The following ZNF407 variants were observed in gnomAD, a reference collection of about 807,000 sequenced individuals.
ZNF407 encodes zinc finger protein 407.
A neutral mutation model predicts 131.2 loss-of-function variants in ZNF407; 17 were observed. The ratio of observed to expected loss-of-function variants is 0.13; its 90% CI spans 0.09 to 0.19. The LOEUF is 0.19. Ranked by LOEUF, ZNF407 falls within the 10% of genes least tolerant of loss-of-function variation. The pLI is 1.00. For synonymous variants in ZNF407, 1,156 were observed against 1,062.0 expected (o/e 1.09, Z -1.72); for missense variants, 2,681 against 2,830.6 (o/e 0.95, Z 1.20).
intron 3 of ZNF407, among the ~76,000 whole-genome samples, chr18:74,759,258 T>A (rs960737087): frequency 6.6e-6 from 1 of 152,218 alleles, no homozygotes; most frequent in Non-Finnish European, 1.5e-5. Context: ...ACTCTGTTGC[T>A]GCTCTCAGGA....
At chr18:74,804,876 G>A (rs905228444) in intron 4 of ZNF407, among the ~76,000 whole-genome samples, 1 of 152,124 alleles carries the variant, frequency 6.6e-6, no homozygotes, top group East Asian at 1.9e-4. Context: ...CCACCCTGCC[G>A]AGGATCTGGC....
chr18:75,009,615 G>A (rs7237271), intron 8 of ZNF407, among the ~76,000 whole-genome samples: 145,751 of 152,300 alleles, frequency 0.96, 70,070 homozygotes, highest in East Asian at 1. Context: ...CTTGTTCAAC[G>A]CTTACTATGC....
intron 7 of ZNF407, among the ~76,000 whole-genome samples, chr18:74,913,543 A>G (rs1047536488): frequency 1.3e-5 from 2 of 152,196 alleles, no homozygotes; most frequent in East Asian, 1.9e-4. Context: ...AGAAAAGAAT[A>G]TAAGACATAT....
chr18:74,849,731 C>G (rs1970755081), intron 4 of ZNF407, among the ~76,000 whole-genome samples: 1 of 152,190 alleles, frequency 6.6e-6, no homozygotes, highest in Admixed American at 6.5e-5. Flanking sequence ...TTCCCTGAGA[C>G]TTACCACCAT....
rs561743536 is a variant in ZNF407 at position 75,000,331 on chromosome 18, C to T, written c.5429-62819C>T. On this transcript the variant is annotated intron_variant, in intron 8 of 8. Transcript: ENST00000299687. ...CCTAGCACAGAGGATTCTTTTGAGA[C>T]GTAAAACAACGGTTGTGAAAGTGTT... Among the ~76,000 whole-genome samples the T allele has an allele frequency of 2.8e-4, 42 of 152,268 alleles. No individual in the cohort carries two copies. The South Asian group carries it at 7.7e-3, about 28-fold the overall frequency.
intron 3 of ZNF407, among the ~76,000 whole-genome samples, chr18:74,648,306 C>T (rs561212386): frequency 2.0e-5 from 3 of 152,112 alleles, no homozygotes; most frequent in South Asian, 4.2e-4. Flanking sequence ...GGGATGTGCA[C>T]GAACTACAGG....
intron 4 of ZNF407, among the ~76,000 whole-genome samples, chr18:74,874,830 C>T (rs917155825): frequency 4.6e-5 from 7 of 152,130 alleles, no homozygotes; most frequent in Non-Finnish European, 4.4e-5. Context: ...CCTGACTCCT[C>T]TCTTCGTTTG....
intron 8 of ZNF407, among the ~76,000 whole-genome samples, chr18:74,981,511 A>G (rs956026218): frequency 4.6e-5 from 7 of 152,246 alleles, no homozygotes; most frequent in African/African-American, 1.2e-4. Context: ...GTGGAAGGCT[A>G]AGAACATGAT....
At chr18:74,807,808 A>C (rs547533057) in intron 4 of ZNF407, among the ~76,000 whole-genome samples, 7 of 152,194 alleles carry the variant, frequency 4.6e-5, no homozygotes, top group Non-Finnish European at 7.3e-5. Context: ...ACATATTTTA[A>C]TGATCATCTT....
intron 8 of ZNF407, among the ~76,000 whole-genome samples, chr18:74,990,868 C>T (rs866788571): frequency 3.1e-4 from 47 of 152,246 alleles, no homozygotes; most frequent in African/African-American, 1.1e-3. Flanking sequence ...AGAATGTCAG[C>T]TGAACTCGTG....
At chr18:75,009,553 G>C (rs1972949916) in intron 8 of ZNF407, among the ~76,000 whole-genome samples, 1 of 152,180 alleles carries the variant, frequency 6.6e-6, no homozygotes, top group South Asian at 2.1e-4. Context: ...TAGATTAGGG[G>C]AGAGAGAAAA....
intron 4 of ZNF407, among the ~76,000 whole-genome samples, chr18:74,873,012 T>A (rs1238677085): frequency 6.6e-6 from 1 of 152,154 alleles, no homozygotes; most frequent in Non-Finnish European, 1.5e-5. Flanking sequence ...ACCTTAGTAA[T>A]GTGGAAACAT....
intron 3 of ZNF407, among the ~76,000 whole-genome samples, chr18:74,665,556 T>C (rs933713771): frequency 2.6e-5 from 4 of 152,198 alleles, no homozygotes; most frequent in African/African-American, 9.7e-5. Flanking sequence ...CTGGTCACAT[T>C]GCGCAAGTTT....
intron 8 of ZNF407, among the ~76,000 whole-genome samples, chr18:75,033,257 A>C (rs1373776253): frequency 2.7e-5 from 4 of 145,496 alleles, no homozygotes; most frequent in African/African-American, 1.0e-4. Context: ...GAATGGGGGG[A>C]AGATAGTATT....
chr18:74,739,953 A>G (rs570226262), intron 3 of ZNF407, among the ~76,000 whole-genome samples: 1 of 152,254 alleles, frequency 6.6e-6, no homozygotes, highest in South Asian at 2.1e-4. Flanking sequence ...TCAGTTTTGA[A>G]TATACTAAGT....
At chr18:74,771,808 C>T (rs1019320441) in intron 3 of ZNF407, among the ~76,000 whole-genome samples, 4 of 151,582 alleles carry the variant, frequency 2.6e-5, no homozygotes, top group African/African-American at 9.7e-5. Flanking sequence ...TTCTCTTCAT[C>T]ATATAAGTAT....
intron 8 of ZNF407, among the ~76,000 whole-genome samples, chr18:75,034,032 A>G (rs1459608160): frequency 6.6e-6 from 1 of 152,196 alleles, no homozygotes; most frequent in Non-Finnish European, 1.5e-5. Flanking sequence ...CATAATCCTG[A>G]TAATCAGAGT....
intron 4 of ZNF407, among the ~76,000 whole-genome samples, chr18:74,800,929 A>G (rs1970009062): frequency 6.6e-6 from 1 of 152,160 alleles, no homozygotes; most frequent in South Asian, 2.1e-4. Flanking sequence ...TAACTCAAAC[A>G]TAGCTTGTTA....
chr18:75,045,033 T>C (rs1241350250), intron 8 of ZNF407, among the ~76,000 whole-genome samples: 1 of 151,234 alleles, frequency 6.6e-6, no homozygotes, highest in Non-Finnish European at 1.5e-5. Context: ...TGAAGTTTTT[T>C]TCAGCTTGAT....
Sources: allele counts gnomAD v4.1 joint callset (sites outside exome capture counted in the v4.1 genomes callset), GRCh38; gene constraint gnomAD v4.1.1; transcripts MANE v1.5; gene names NCBI Gene and HGNC (gene_info 2026-07-23, HGNC 2026-07-21).